Variants in LRP12 observed in about 807,000 individuals in gnomAD.
LRP12 encodes LDL receptor related protein 12, also known as low-density lipoprotein receptor-related protein 12.
In LRP12, 14 loss-of-function variants were observed where a neutral mutation model predicts 66.0. The observed-to-expected ratio is 0.21, with a 90% CI of 0.14 to 0.33. The LOEUF (loss-of-function observed/expected upper bound fraction) is 0.33, where lower values mean the gene tolerates loss of function less well. LRP12 is among the 10% of genes least tolerant of loss of function. LRP12 has a pLI of 1.00. For missense variants in LRP12, 889 were observed against 1,053.4 expected (o/e 0.84, Z 2.16); for synonymous variants, 357 against 359.1 (o/e 0.99, Z 0.07).
In LRP12 at chr8:104,566,434, T is replaced by C. The variant is rs1588507572; in HGVS notation, c.79+22385A>G. 1.3e-5 allele frequency: 3 copies of C among 234,024 alleles called. No individual in the cohort carries two copies. The East Asian group carries it at 3.2e-4, about 25-fold the overall frequency. 14.5% of individuals were successfully genotyped at this position (234,024 alleles called of 1,614,324 possible). On this transcript the variant is annotated intron_variant, in intron 1 of 6. Transcript: ENST00000276654. ...AATCAGTGGAAATGGCCAATACAAT[T>C]ACTAAATGCCTTTGGTGGGTTGATA...
chr8:104,526,915 A>G (rs1035610672), intron 2 of LRP12, among the ~76,000 whole-genome samples: 8 of 145,854 alleles, frequency 5.5e-5, no homozygotes, highest in African/African-American at 1.4e-4. Flanking sequence ...ATGGGAGAAA[A>G]TTTTCGCAAC....
chr8:104,540,953 C>T (rs1380248283), intron 1 of LRP12, among the ~76,000 whole-genome samples: 2 of 152,034 alleles, frequency 1.3e-5, no homozygotes, highest in South Asian at 2.1e-4. Flanking sequence ...AGGATGGTCT[C>T]GATCTCCTGA....
rs1245314641 is a variant in LRP12 at position 104,509,056 on chromosome 8, T to C, written c.155A>G (p.Glu52Gly). Residue 52 changes from glutamate (E) to glycine (G), a missense_variant, in exon 3 of 7, where the codon GAG becomes GGG. Coordinates refer to ENST00000276654, the MANE Select transcript of LRP12 (RefSeq NM_013437.5). ...GVSTACGETP[E>G]QIRAPSGIIT... Reference sequence around the variant, plus strand: ...TATGCCACTTGGTGCTCGTATTTGCTCTGGAGTCTCTCCACAAGCTGGAAG... The same window carrying C: ...TATGCCACTTGGTGCTCGTATTTGCCCTGGAGTCTCTCCACAAGCTGGAAG... The C allele has an allele frequency of 1.9e-6, 3 of 1,613,640 alleles. No individual in the cohort carries two copies. Among genetic ancestry groups the C allele is most frequent in the South Asian group, 1.1e-5 (1 of 91,002 alleles).
chr8:104,560,942 G>A (rs576184536), intron 1 of LRP12, among the ~76,000 whole-genome samples: 1 of 152,214 alleles, frequency 6.6e-6, no homozygotes, highest in Non-Finnish European at 1.5e-5. Flanking sequence ...ATATTTTGTG[G>A]TGTTGCTTCT....
intron 1 of LRP12, among the ~76,000 whole-genome samples, chr8:104,576,373 A>T (rs1812164766): frequency 6.6e-6 from 1 of 152,132 alleles, no homozygotes; most frequent in Non-Finnish European, 1.5e-5. Flanking sequence ...AGAGAGAAAA[A>T]GCAGGTCACC....
chr8:104,511,512 G>T (rs549845168), intron 2 of LRP12, among the ~76,000 whole-genome samples: 1 of 152,072 alleles, frequency 6.6e-6, no homozygotes, highest in Non-Finnish European at 1.5e-5. Flanking sequence ...CACCATGCAT[G>T]GCAACTTTTT....
intron 2 of LRP12, among the ~76,000 whole-genome samples, chr8:104,512,152 A>G (rs1811008847): frequency 6.6e-6 from 1 of 152,132 alleles, no homozygotes; most frequent in African/African-American, 2.4e-5. Flanking sequence ...CCCCATCTCT[A>G]CTAAAAGTAC....
intron 2 of LRP12, among the ~76,000 whole-genome samples, chr8:104,515,035 T>G (rs1288596860): frequency 6.6e-6 from 1 of 152,194 alleles, no homozygotes. Context: ...AGAAATTATG[T>G]CATGATTAAC....
In LRP12 at chr8:104,580,074, C is replaced by G. The variant is rs368547999; in HGVS notation, c.79+8745G>C. 3.9e-5 allele frequency among the ~76,000 whole-genome samples: 6 copies of G among 152,226 alleles called. 1 individual carries two copies. In the East Asian group the frequency reaches 7.7e-4, roughly 20 times the overall value. ...CAATTGCAACAAATGCAAAAATTGA[C>G]AAATGGAATCTAATTAAACTGACGA... On this transcript the variant is annotated intron_variant, in intron 1 of 6. Coordinates refer to ENST00000276654, the MANE Select transcript of LRP12 (RefSeq NM_013437.5).
intron 1 of LRP12, among the ~76,000 whole-genome samples, chr8:104,549,566 C>A (rs1306344035): frequency 6.6e-6 from 1 of 151,976 alleles, no homozygotes; most frequent in East Asian, 1.9e-4. Context: ...CCGCACCTGG[C>A]TAATTTTTTG....
rs1324382571 is a variant in LRP12, at chr8:104,547,774, A to T, written c.80-15811T>A. The stretch of plus-strand genomic sequence containing the variant: ...TATATAATATATAATTCTATATTAT[A>T]TTTTGTATATAATATATAATTATAT... On this transcript the variant is annotated intron_variant, in intron 1 of 6. Coordinates refer to ENST00000276654, the MANE Select transcript of LRP12 (RefSeq NM_013437.5). Among the ~76,000 whole-genome samples, 3 of 128,520 alleles carry T rather than the reference A, an allele frequency of 2.3e-5. No homozygotes were observed. The East Asian group carries it at 6.7e-4, about 29-fold the overall frequency. The allele number at this position is 128,520 out of a possible 152,430, so 84.3% of individuals were successfully genotyped here. A position where few individuals can be genotyped will look rare whatever the true frequency, so the allele number is the denominator to read the frequency against.
intron 1 of LRP12, among the ~76,000 whole-genome samples, chr8:104,571,011 G>A (rs188830528): frequency 6.1e-4 from 93 of 152,140 alleles, no homozygotes; most frequent in Admixed American, 1.2e-3. Flanking sequence ...CAAACCAGAC[G>A]AGCTACCACC....
rs1314080036 is a variant in LRP12, at chr8:104,523,250, T to G, written c.136+8657A>C. Among the ~76,000 whole-genome samples the G allele has an allele frequency of 2.0e-5, 3 of 152,094 alleles. No individual in the cohort carries two copies. The East Asian group carries it at 5.8e-4, about 29-fold the overall frequency. ...GCAGACAAATTACACAGACTGGAAA[T>G]TTTGAAAAAAAATTAGGTATATCAT... On this transcript the variant is annotated intron_variant, in intron 2 of 6. Coordinates refer to ENST00000276654, the MANE Select transcript of LRP12 (RefSeq NM_013437.5).
chr8:104,547,606 TA>T (rs1310123990), intron 1 of LRP12, among the ~76,000 whole-genome samples: 16 of 122,720 alleles, frequency 1.3e-4, no homozygotes, highest in Non-Finnish European at 9.5e-5. Flanking sequence ...TAATAATTAT[TA>T]ATATATAATA....
chr8:104,538,842 T>C (rs1564139069), intron 1 of LRP12, among the ~76,000 whole-genome samples: 1 of 151,794 alleles, frequency 6.6e-6, no homozygotes, highest in Non-Finnish European at 1.5e-5. Flanking sequence ...CTACGTTTTT[T>C]ATTTTATTTA....
At chr8:104,532,469 C>T (rs1316565028) in intron 1 of LRP12, among the ~76,000 whole-genome samples, 1 of 151,372 alleles carries the variant, frequency 6.6e-6, no homozygotes, top group Non-Finnish European at 1.5e-5. Context: ...TTAAGTATTG[C>T]GAATATTTAC....
At chr8:104,554,656 G>T (rs562074073) in intron 1 of LRP12, among the ~76,000 whole-genome samples, 1 of 152,114 alleles carries the variant, frequency 6.6e-6, no homozygotes, top group Non-Finnish European at 1.5e-5. Context: ...AAGGATAATC[G>T]GTGTTCCTGA....
Position 104,555,985 on chromosome 8 carries a change from T to C in LRP12, c.80-24022A>G, listed in dbSNP as rs895622635. 7.9e-5 allele frequency among the ~76,000 whole-genome samples: 12 copies of C among 152,068 alleles called. No individual in the cohort carries two copies. The South Asian group carries it at 8.3e-4, about 11-fold the overall frequency. ...TCTTTTAGACTACAGTGGAATAAAA[T>C]TGGAAATCAACTCCAAAAGGAATCC... On this transcript the variant is annotated intron_variant, in intron 1 of 6. Transcript: ENST00000276654.
At chr8:104,494,970 C>A in intron 6 of LRP12, 107 bp downstream of exon 6, 3 of 997,616 alleles carry the variant, frequency 3.0e-6, no homozygotes, top group East Asian at 2.5e-5. Flanking sequence ...CATTTAAATC[C>A]TTGATTGCAA....
Sources: allele counts gnomAD v4.1 joint callset (sites outside exome capture counted in the v4.1 genomes callset), GRCh38; gene constraint gnomAD v4.1.1; transcripts MANE v1.5; gene names NCBI Gene and HGNC (gene_info 2026-07-23, HGNC 2026-07-21).